Variants in KDM4C observed in about 807,000 individuals in gnomAD.
KDM4C encodes lysine demethylase 4C, also known as lysine-specific demethylase 4C.
KDM4C carries 81 observed loss-of-function variants against 129.3 expected under a neutral mutation model. The observed-to-expected ratio is 0.63, with a 90% CI of 0.52 to 0.75. The LOEUF (loss-of-function observed/expected upper bound fraction) is 0.75. Among genes scored for constraint, KDM4C ranks in the 30% least tolerant of loss-of-function variants. The pLI, the probability that KDM4C is intolerant of heterozygous loss-of-function variation, is 0.00. For missense variants in KDM4C, 1,457 were observed against 1,304.0 expected (o/e 1.12, Z -1.81); for synonymous variants, 573 against 456.1 (o/e 1.26, Z -3.26).
At chr9:6,733,769 G>A (rs1262867191) in intron 1 of KDM4C, among the ~76,000 whole-genome samples, 1 of 152,174 alleles carries the variant, frequency 6.6e-6, no homozygotes, top group East Asian at 1.9e-4. Flanking sequence ...AAGGGCTGCT[G>A]GTTGTCTATT....
intron 4 of KDM4C, among the ~76,000 whole-genome samples, chr9:6,825,849 T>C (rs191415951): frequency 6.6e-6 from 1 of 152,304 alleles, no homozygotes; most frequent in Admixed American, 6.5e-5. Flanking sequence ...CTCACTCCAT[T>C]GCACAGCCTG....
At chr9:6,806,884 C>CTCCG (rs1564055746) in intron 3 of KDM4C, among the ~76,000 whole-genome samples, 695 of 66,338 alleles carry the variant, frequency 0.01, 6 homozygotes, top group Non-Finnish European at 0.016. Context: ...CTCCGTCTCC[C>CTCCG]TCTCCCTCTC....
intron 18 of KDM4C, among the ~76,000 whole-genome samples, chr9:7,112,834 C>G (rs1418206456): frequency 6.6e-6 from 1 of 152,184 alleles, no homozygotes; most frequent in Non-Finnish European, 1.5e-5. Context: ...TGAATGGTGT[C>G]ATTTCCACAA....
intron 19 of KDM4C, among the ~76,000 whole-genome samples, chr9:7,163,032 T>C (rs1391026085): frequency 1.3e-5 from 2 of 152,060 alleles, no homozygotes. Context: ...TTAGACAGGC[T>C]TACCTAGTGA....
Position 6,793,025 on chromosome 9 carries a change from A to G in KDM4C, c.37A>G (p.Ser13Gly). The G allele has an allele frequency of 1.9e-6, 3 of 1,614,220 alleles. No individual in the cohort carries two copies. Among genetic ancestry groups the G allele is most frequent in the Non-Finnish European group, 2.5e-6 (3 of 1,180,028 alleles). ...VAEVESPLNP[S>G]CKIMTFRPSM... ...CGAGGTGGAAAGTCCTCTGAACCCC[A>G]GCTGTAAGATAATGACCTTCAGACC... is the stretch of plus-strand genomic sequence containing the variant. Residue 13 changes from serine (S) to glycine (G), a missense_variant, in exon 2 of 22, where the codon AGC (serine) becomes GGC (glycine). Coordinates refer to ENST00000381309, the MANE Select transcript of KDM4C (RefSeq NM_015061.6).
At chr9:6,949,693 C>A (rs1321192595) in intron 8 of KDM4C, among the ~76,000 whole-genome samples, 1 of 152,070 alleles carries the variant, frequency 6.6e-6, no homozygotes, top group Non-Finnish European at 1.5e-5. Context: ...AATACGAAAA[C>A]CAGTCAGGCG....
At chr9:6,902,422 A>G (rs1353604680) in intron 8 of KDM4C, among the ~76,000 whole-genome samples, 1 of 152,040 alleles carries the variant, frequency 6.6e-6, no homozygotes, top group Non-Finnish European at 1.5e-5. Flanking sequence ...CACGTAAAAA[A>G]CCCAACATAA....
At chr9:6,958,744 G>T (rs1306740341) in intron 8 of KDM4C, among the ~76,000 whole-genome samples, 3 of 147,726 alleles carry the variant, frequency 2.0e-5, no homozygotes, top group Non-Finnish European at 4.4e-5. Context: ...GAGTGCAGTG[G>T]CATGTTCATG....
chr9:7,061,706 A>G (rs1279407485), intron 17 of KDM4C, among the ~76,000 whole-genome samples: 3 of 152,166 alleles, frequency 2.0e-5, no homozygotes, highest in Admixed American at 6.5e-5. Context: ...TTTTTTCCCA[A>G]TATCGACTCT....
rs560932975 is a variant in KDM4C, at chr9:7,018,534, G to C, written c.2259+2605G>C. Among the ~76,000 whole-genome samples, 29 of 152,370 alleles carry C rather than the reference G, an allele frequency of 1.9e-4. No homozygotes were observed. The South Asian group carries it at 3.5e-3, about 18-fold the overall frequency. On this transcript the variant is annotated intron_variant, in intron 15 of 21. Coordinates refer to ENST00000381309, the MANE Select transcript of KDM4C (RefSeq NM_015061.6). ...AAGTATTGCAGAATCAGTTTGGTCA[G>C]TGATGTTATCTCCTTCGCCCTGAAT... is the stretch of plus-strand genomic sequence containing the variant.
intron 15 of KDM4C, among the ~76,000 whole-genome samples, chr9:7,042,118 A>G (rs550946897): frequency 1.7e-4 from 26 of 152,210 alleles, no homozygotes; most frequent in Non-Finnish European, 2.5e-4. Context: ...CGTATTTAGT[A>G]TGTGCTTAGG....
chr9:6,968,930 G>C (rs1298933887), intron 8 of KDM4C, among the ~76,000 whole-genome samples: 2 of 151,952 alleles, frequency 1.3e-5, no homozygotes, highest in Admixed American at 1.3e-4. Context: ...ACTTCTGTTG[G>C]GTTAATTGTG....
At chr9:6,850,943 T>TG (rs1314755642) in intron 5 of KDM4C, among the ~76,000 whole-genome samples, 1 of 149,140 alleles carries the variant, frequency 6.7e-6, no homozygotes, top group African/African-American at 2.5e-5. Flanking sequence ...TTAGTAGAGA[T>TG]GGGGTTTCAC....
intron 19 of KDM4C, 107 bp downstream of exon 19, chr9:7,128,343 C>A: frequency 1.4e-6 from 1 of 733,780 alleles, no homozygotes; most frequent in Non-Finnish European, 2.1e-6. Context: ...GTAGCTCATT[C>A]ACTTGGTTCA....
chr9:7,130,344 T>G (rs1036199524), intron 19 of KDM4C, among the ~76,000 whole-genome samples: 3 of 152,242 alleles, frequency 2.0e-5, no homozygotes, highest in Admixed American at 6.5e-5. Flanking sequence ...CATGCCAGTT[T>G]GAGGCTTTCC....
intron 17 of KDM4C, among the ~76,000 whole-genome samples, chr9:7,080,992 C>G (rs926655268): frequency 1.3e-5 from 2 of 152,172 alleles, no homozygotes; most frequent in Non-Finnish European, 2.9e-5. Flanking sequence ...AATGTGTGGG[C>G]AAACCTAAGG....
intron 6 of KDM4C, among the ~76,000 whole-genome samples, chr9:6,884,145 G>A (rs965994357): frequency 1.3e-5 from 2 of 152,136 alleles, no homozygotes; most frequent in African/African-American, 4.8e-5. Flanking sequence ...GCGCTCTGCT[G>A]GTAGAGATGT....
intron 12 of KDM4C, among the ~76,000 whole-genome samples, chr9:7,007,511 T>G (rs1821895510): frequency 6.6e-6 from 1 of 152,214 alleles, no homozygotes; most frequent in Non-Finnish European, 1.5e-5. Context: ...CTTAAGTATT[T>G]CAAGTTGATT....
At chr9:6,762,904 C>T (rs931344204) in intron 1 of KDM4C, among the ~76,000 whole-genome samples, 3 of 151,862 alleles carry the variant, frequency 2.0e-5, no homozygotes, top group Non-Finnish European at 4.4e-5. Context: ...GGTGATCCAC[C>T]CCCTCACCCT....
Sources: allele counts gnomAD v4.1 joint callset (sites outside exome capture counted in the v4.1 genomes callset), GRCh38; gene constraint gnomAD v4.1.1; transcripts MANE v1.5; gene names NCBI Gene and HGNC (gene_info 2026-07-23, HGNC 2026-07-21).